The following CIT variants were observed in gnomAD, a reference collection of about 807,000 sequenced individuals.
CIT encodes the protein citron Rho-interacting kinase.
Under a neutral mutation model 272.7 loss-of-function variants are expected in CIT, and 79 were observed. The ratio of observed to expected loss-of-function variants is 0.29; its 90% CI spans 0.24 to 0.35. The LOEUF is 0.35. CIT is among the 10% of genes least tolerant of loss of function. The pLI, the probability that CIT is intolerant of heterozygous loss-of-function variation, is 1.00. For synonymous variants in CIT, 948 were observed against 995.6 expected (o/e 0.95, Z 0.90); for missense variants, 1,909 against 2,618.3 (o/e 0.73, Z 5.91).
chr12:119,732,768 T>A (rs1958533277), intron 26 of CIT, among the ~76,000 whole-genome samples: 1 of 152,308 alleles, frequency 6.6e-6, no homozygotes, highest in East Asian at 1.9e-4. Context: ...GATCGATATT[T>A]CTATGGATAG....
intron 5 of CIT, among the ~76,000 whole-genome samples, chr12:119,846,768 G>A (rs1164789805): frequency 1.3e-5 from 2 of 151,936 alleles, no homozygotes; most frequent in Non-Finnish European, 2.9e-5. Flanking sequence ...CGCTAGGCAT[G>A]GTGGTTTGTA....
chr12:119,698,280 G>A (rs1956343291), intron 44 of CIT: 1 of 578,184 alleles, frequency 1.7e-6, no homozygotes, highest in Non-Finnish European at 3.1e-6. Flanking sequence ...ACAGTGTAGG[G>A]ATTGGCTAAA....
chr12:119,750,606 G>A (rs1593589676), intron 23 of CIT, among the ~76,000 whole-genome samples: 2 of 151,918 alleles, frequency 1.3e-5, no homozygotes, highest in Non-Finnish European at 2.9e-5. Context: ...AAACATACTG[G>A]AAGCCACTAA....
At chr12:119,842,128 C>T (rs184614303) in intron 5 of CIT, among the ~76,000 whole-genome samples, 48 of 152,188 alleles carry the variant, frequency 3.2e-4, no homozygotes, top group Middle Eastern at 3.4e-3. Flanking sequence ...CAGTGACTCA[C>T]GCCTGTAATC....
chr12:119,757,554 G>A lies in CIT; in HGVS notation c.2532-9C>T. 3.7e-6 allele frequency: 6 copies of A among 1,614,022 alleles called. No homozygotes were observed. Among genetic ancestry groups the A allele is most frequent in the Non-Finnish European group, 5.1e-6 (6 of 1,179,966 alleles). On this transcript the variant is annotated splice_polypyrimidine_tract_variant and intron_variant, in intron 21 of 47. Transcript: ENST00000392521. The stretch of plus-strand genomic sequence containing the variant: ...TCTCTTCTTGGGCCTTCCTGGTGGG[G>A]GTGGTGGGAGGATCCAAACAAAATC...
chr12:119,828,170 C>A (rs998123082), intron 7 of CIT, among the ~76,000 whole-genome samples: 2 of 152,204 alleles, frequency 1.3e-5, no homozygotes, highest in Non-Finnish European at 2.9e-5. Flanking sequence ...TATGCACAAT[C>A]ATTTTCTAAT....
intron 2 of CIT, among the ~76,000 whole-genome samples, chr12:119,873,322 T>G (rs1950741026): frequency 6.6e-6 from 1 of 150,636 alleles, no homozygotes. Context: ...TAGGCTGAAG[T>G]GCTGAAGTGC....
intron 4 of CIT, among the ~76,000 whole-genome samples, chr12:119,855,691 A>G (rs919655575): frequency 1.3e-5 from 2 of 152,086 alleles, no homozygotes; most frequent in African/African-American, 4.8e-5. Flanking sequence ...GGCTTTAGTT[A>G]GCGCCTGTAT....
rs375935685 is a variant in CIT at position 119,784,068 on chromosome 12, G to A, written c.1402-17C>T. 6.8e-6 allele frequency: 11 copies of A among 1,612,852 alleles called. No individual in the cohort carries two copies. The highest frequency in any genetic ancestry group is 1.1e-5 in the South Asian group (1 of 90,868). On this transcript the variant is annotated splice_polypyrimidine_tract_variant and intron_variant, in intron 11 of 47. Coordinates refer to ENST00000392521, the MANE Select transcript of CIT (RefSeq NM_001206999.2). The surrounding 1 kb of genome is among the most constrained non-coding windows in gnomAD (Gnocchi z 4.7). ...CTGCTCCATCTGAAATAAACACATC[G>A]ACAGGTTAAAAAGGCCCGTGGAGGT...
rs1023556120 is a variant in CIT, at chr12:119,713,016, G to T, written c.4579+187C>A. 3.0e-5 allele frequency: 19 copies of T among 639,606 alleles called. No individual in the cohort carries two copies. Among genetic ancestry groups the T allele is most frequent in the East Asian group, 1.8e-4 (7 of 38,428 alleles). The allele number at this position is 639,606 out of a possible 1,614,324, so 39.6% of individuals were successfully genotyped here. A position where few individuals can be genotyped will look rare whatever the true frequency, so the allele number is the denominator to read the frequency against. On this transcript the variant is annotated intron_variant, in intron 35 of 47. Transcript: ENST00000392521. The surrounding 1 kb of genome is among the most constrained non-coding windows in gnomAD (Gnocchi z 5.2). Reference sequence around the variant, plus strand: ...GGGCAGCGCCCTGCGGGTTCTTCAGGGGGGAGACCTATAGATGTGAGTATC... The same window carrying T: ...GGGCAGCGCCCTGCGGGTTCTTCAGTGGGGAGACCTATAGATGTGAGTATC...
At chr12:119,762,845 C>G (rs1320038895) in intron 19 of CIT, among the ~76,000 whole-genome samples, 8 of 152,084 alleles carry the variant, frequency 5.3e-5, no homozygotes, top group African/African-American at 1.7e-4. Context: ...TTGAGACCAG[C>G]CTGGGCAACA....
intron 28 of CIT, among the ~76,000 whole-genome samples, chr12:119,725,512 A>G (rs1958045045): frequency 6.6e-6 from 1 of 152,226 alleles, no homozygotes; most frequent in African/African-American, 2.4e-5. Context: ...ATATGCTTAT[A>G]CAGCACACAC....
Position 119,772,851 on chromosome 12 carries a change from C to T in CIT, c.2001G>A (p.Glu667=), listed in dbSNP as rs758005861. ...GCTTCTCCAGCTCCCTCTCGGCTCG[C>T]TCCTTTGCCTGGCGGATATTCTGCA... ...ELLQNIRQAK[E]RAERELEKLQ... is the part of the protein sequence containing the mutation. The change falls in exon 17 of 48, where the codon GAG becomes GAA. Residue 667 remains glutamate, a synonymous_variant. Transcript: ENST00000392521. 1 of 1,614,126 alleles carries T rather than the reference C, an allele frequency of 6.2e-7. No individual in the cohort carries two copies. The highest frequency in any genetic ancestry group is 1.1e-5 in the South Asian group (1 of 91,078).
chr12:119,713,408 T>C lies in CIT; in HGVS notation c.4487+60A>G. 1.1e-5 allele frequency: 18 copies of C among 1,594,858 alleles called. No homozygotes were observed. The highest frequency in any genetic ancestry group is 1.5e-5 in the Non-Finnish European group (17 of 1,165,678). ...AGAAAAGACACTTCCCTAGAAAACA[T>C]CAGGGACAGAGTGGCTTGTGCCAGC... is the stretch of plus-strand genomic sequence containing the variant. On this transcript the variant is annotated intron_variant, in intron 34 of 47. Transcript: ENST00000392521. The surrounding 1 kb of genome is among the most constrained non-coding windows in gnomAD (Gnocchi z 5.2).
intron 3 of CIT, among the ~76,000 whole-genome samples, chr12:119,865,107 AT>A (rs1950477821): frequency 6.6e-6 from 1 of 152,220 alleles, no homozygotes; most frequent in Non-Finnish European, 1.5e-5. Flanking sequence ...CCCATTTTCA[AT>A]CATGGCCTCT....
chr12:119,798,304 T>C (rs1965913528), intron 10 of CIT, among the ~76,000 whole-genome samples: 1 of 152,168 alleles, frequency 6.6e-6, no homozygotes, highest in Non-Finnish European at 1.5e-5. Context: ...CACATGAACC[T>C]GGGTACCCCA....
chr12:119,812,637 A>G (rs1966860042), intron 9 of CIT, among the ~76,000 whole-genome samples: 1 of 151,664 alleles, frequency 6.6e-6, no homozygotes, highest in Non-Finnish European at 1.5e-5. Flanking sequence ...TGGTAGAGAC[A>G]GGGGTCTTGC....
chr12:119,783,848 TGA>T, intron 12 of CIT, 58 bp downstream of exon 12: 1 of 1,520,224 alleles, frequency 6.6e-7, no homozygotes, highest in East Asian at 2.3e-5. Flanking sequence ...TGAAACAGGA[TGA>T]GACACACACA....
At chr12:119,826,198 A>G (rs1968143545) in intron 7 of CIT, among the ~76,000 whole-genome samples, 3 of 152,140 alleles carry the variant, frequency 2.0e-5, no homozygotes, top group Admixed American at 2.0e-4. Flanking sequence ...GCAAGACATG[A>G]TAATTAACTT....
Sources: gnomAD v4.1 joint callset for allele counts (sites outside exome capture counted in the v4.1 genomes callset) on GRCh38, gnomAD v4.1.1 for gene constraint, Gnocchi (gnomAD v3.1) non-coding constraint, MANE v1.5 for transcripts, NCBI Gene and HGNC (gene_info 2026-07-23, HGNC 2026-07-21) for gene names.